The following TMEFF2 variants were observed in gnomAD, a reference collection of about 807,000 sequenced individuals.
TMEFF2 encodes transmembrane protein with EGF like and two follistatin like domains 2.
Under a neutral mutation model 53.8 loss-of-function variants are expected in TMEFF2, and 28 were observed. That is an observed-to-expected ratio of 0.52 (90% CI 0.39 to 0.71). The LOEUF is 0.71. Among genes scored for constraint, TMEFF2 ranks in the 30% least tolerant of loss-of-function variants. The probability of loss-of-function intolerance (pLI) is 0.00; values close to 1 mark genes in which losing one functional copy is unlikely to be tolerated. For missense variants in TMEFF2, 353 were observed against 455.2 expected (o/e 0.78, Z 2.04); for synonymous variants, 162 against 166.3 (o/e 0.97, Z 0.20).
chr2:192,111,061 AC>A (rs1483553487), intron 4 of TMEFF2, among the ~76,000 whole-genome samples: 1 of 152,066 alleles, frequency 6.6e-6, no homozygotes, highest in Non-Finnish European at 1.5e-5. Context: ...TTTATAAATT[AC>A]CCAGTCTCAG....
chr2:192,097,033 G>T (rs918484663), intron 4 of TMEFF2, among the ~76,000 whole-genome samples: 1 of 152,130 alleles, frequency 6.6e-6, no homozygotes, highest in Non-Finnish European at 1.5e-5. Context: ...GGTAAAGAAT[G>T]AAATCATCAA....
chr2:191,950,784 T>G (rs543655934), intron 9 of TMEFF2, among the ~76,000 whole-genome samples: 1 of 152,340 alleles, frequency 6.6e-6, no homozygotes, highest in East Asian at 1.9e-4. Context: ...GAATGAATGT[T>G]ATATTGACTT....
At chr2:192,021,002 TTATC>T (rs1433784515) in intron 5 of TMEFF2, among the ~76,000 whole-genome samples, 1 of 152,160 alleles carries the variant, frequency 6.6e-6, no homozygotes, top group Non-Finnish European at 1.5e-5. Context: ...CAACAACACT[TTATC>T]TATTTAATAG....
At chr2:192,059,182 G>A (rs753903577) in intron 4 of TMEFF2, among the ~76,000 whole-genome samples, 40 of 151,014 alleles carry the variant, frequency 2.6e-4, no homozygotes, top group Admixed American at 3.3e-4. Context: ...GATAGTCAAC[G>A]CTTACATTTT....
chr2:191,995,693 A>G (rs907209119), intron 7 of TMEFF2, among the ~76,000 whole-genome samples: 7 of 152,014 alleles, frequency 4.6e-5, no homozygotes, highest in Non-Finnish European at 8.8e-5. Flanking sequence ...ATGATTTCTA[A>G]AGAGGGTGTA....
Position 192,194,383 on chromosome 2 carries a change from A to G in TMEFF2, c.142T>C (p.Cys48Arg). The change falls in exon 1 of 10, where the codon TGC (cysteine) becomes CGC (arginine). Residue 48 changes from cysteine (C) to arginine (R), a missense_variant. This residue lies in a region of TMEFF2 where 294 missense variants were observed against 397.3 expected (regional missense o/e 0.74). Coordinates refer to ENST00000272771, the MANE Select transcript of TMEFF2 (RefSeq NM_016192.4). This position sits in a 1 kb window ranked among gnomAD's most constrained non-coding sequence, Gnocchi z 4.2. ...CAATTCCAGCCGGTGGGCGTTTGGC[A>G]GTCACTTAAGGAGGTAGGGAAAGCA... ...LAAFPTSLSD[C>R]QTPTGWNCSG... 1 of 1,614,084 alleles carries G rather than the reference A, an allele frequency of 6.2e-7. No homozygotes were observed. The highest frequency in any genetic ancestry group is 8.5e-7 in the Non-Finnish European group (1 of 1,180,016).
In TMEFF2 at chr2:192,194,267, A is replaced by C; in HGVS notation, c.172+86T>G. 6.6e-7 allele frequency: 1 copy of C among 1,506,462 alleles called. No homozygotes were observed. Among genetic ancestry groups the C allele is most frequent in the Non-Finnish European group, 9.1e-7 (1 of 1,099,508 alleles). The allele number at this position is 1,506,462 out of a possible 1,614,324, so 93.3% of individuals were successfully genotyped here. ...GGCAGTAGGAGGTGAGGGGCTGAGG[A>C]GGCGCGCTAGGGTAGGCTGGTCTGT... On this transcript the variant is annotated intron_variant, in intron 1 of 9. Transcript: ENST00000272771. This position sits in a 1 kb window ranked among gnomAD's most constrained non-coding sequence, Gnocchi z 4.2.
chr2:192,001,236 CAGAA>C (rs1231362578), intron 5 of TMEFF2, among the ~76,000 whole-genome samples: 1 of 152,104 alleles, frequency 6.6e-6, no homozygotes, highest in African/African-American at 2.4e-5. Flanking sequence ...AACTGAAAAA[CAGAA>C]AGGTATGTTC....
chr2:192,008,590 C>T (rs1349097022), intron 5 of TMEFF2, among the ~76,000 whole-genome samples: 1 of 152,124 alleles, frequency 6.6e-6, no homozygotes. Flanking sequence ...TGCGGTCGCT[C>T]CGACTGGATG....
chr2:192,063,980 T>TAA (rs35541948), intron 4 of TMEFF2, among the ~76,000 whole-genome samples: 11 of 151,288 alleles, frequency 7.3e-5, no homozygotes, highest in Non-Finnish European at 1.2e-4. Context: ...GTCTAACTTA[T>TAA]AAAAAAAATC....
At chr2:192,101,674 G>A (rs1002533295) in intron 4 of TMEFF2, among the ~76,000 whole-genome samples, 1 of 152,150 alleles carries the variant, frequency 6.6e-6, no homozygotes. Context: ...TGATTCATTT[G>A]TACATATGTT....
rs1691559835 is a variant in TMEFF2 at position 192,194,582 on chromosome 2, G to A, written c.-58C>T. On this transcript the variant is annotated 5_prime_UTR_variant, in exon 1 of 10. Transcript: ENST00000272771. The surrounding 1 kb of genome is among the most constrained non-coding windows in gnomAD (Gnocchi z 4.2). Reference sequence around the variant, plus strand: ...GCTTCCGAGGAACACAGGATCGCGGGGGCCGGGCAGCGGGCTACTGAGCAT... The same window carrying A: ...GCTTCCGAGGAACACAGGATCGCGGAGGCCGGGCAGCGGGCTACTGAGCAT... The A allele has an allele frequency of 7.6e-6, 12 of 1,576,264 alleles. No homozygotes were observed. The highest frequency in any genetic ancestry group is 1.3e-5 in the African/African-American group (1 of 74,296).
intron 4 of TMEFF2, among the ~76,000 whole-genome samples, chr2:192,150,043 T>A (rs1690346897): frequency 6.6e-6 from 1 of 152,028 alleles, no homozygotes; most frequent in South Asian, 2.1e-4. Flanking sequence ...TATTTAGAAC[T>A]GATATTAATA....
At chr2:191,983,309 A>G (rs1375666534) in intron 7 of TMEFF2, among the ~76,000 whole-genome samples, 1 of 151,950 alleles carries the variant, frequency 6.6e-6, no homozygotes, top group East Asian at 1.9e-4. Flanking sequence ...GGTGTCAGGA[A>G]TATTGATGGG....
At chr2:191,994,305 G>T (rs1686171883) in intron 7 of TMEFF2, among the ~76,000 whole-genome samples, 1 of 151,668 alleles carries the variant, frequency 6.6e-6, no homozygotes, top group African/African-American at 2.4e-5. Context: ...CTGAAAACTG[G>T]TGTAGGATGT....
intron 4 of TMEFF2, among the ~76,000 whole-genome samples, chr2:192,115,068 T>C (rs1689369833): frequency 1.3e-5 from 2 of 151,932 alleles, no homozygotes; most frequent in South Asian, 4.1e-4. Flanking sequence ...GGCATTTTTC[T>C]CACAGGTAAA....
intron 4 of TMEFF2, among the ~76,000 whole-genome samples, chr2:192,138,874 T>C (rs533170350): frequency 9.8e-5 from 15 of 152,308 alleles, no homozygotes; most frequent in African/African-American, 2.6e-4. Context: ...GGTAATTCCA[T>C]TGAAAAACAA....
chr2:192,132,118 A>G (rs1336933951), intron 4 of TMEFF2, among the ~76,000 whole-genome samples: 1 of 151,894 alleles, frequency 6.6e-6, no homozygotes, highest in South Asian at 2.1e-4. Context: ...CGCCAGGCCA[A>G]GCTAGGCCCC....
At chr2:191,994,566 G>GAC (rs72485334) in intron 7 of TMEFF2, among the ~76,000 whole-genome samples, 64 of 149,092 alleles carry the variant, frequency 4.3e-4, no homozygotes, top group African/African-American at 1.1e-3. Flanking sequence ...AGACATGAGG[G>GAC]ACACACACAC....
Sources: gnomAD v4.1 joint callset for allele counts (sites outside exome capture counted in the v4.1 genomes callset) on GRCh38, gnomAD v4.1.1 for gene constraint, gnomAD v4.1.1 regional missense constraint, Gnocchi (gnomAD v3.1) non-coding constraint, MANE v1.5 for transcripts, NCBI Gene and HGNC (gene_info 2026-07-23, HGNC 2026-07-21) for gene names.